The following PDZD2 variants were observed in gnomAD, a reference collection of about 807,000 sequenced individuals.
PDZD2 encodes PDZ domain containing 2.
PDZD2 carries 90 observed loss-of-function variants against 220.7 expected under a neutral mutation model. The observed-to-expected ratio is 0.41, with a 90% CI of 0.34 to 0.49. The LOEUF (loss-of-function observed/expected upper bound fraction) is 0.49, where lower values mean the gene tolerates loss of function less well. Ranked by LOEUF, PDZD2 falls within the 20% of genes least tolerant of loss-of-function variation. The probability of loss-of-function intolerance (pLI) is 0.28; values close to 1 mark genes in which losing one functional copy is unlikely to be tolerated. For synonymous variants in PDZD2, 1,375 were observed against 1,450.5 expected, an observed-to-expected ratio of 0.95 and a Z score of 1.18; for missense variants, 3,174 against 3,608.5, an observed-to-expected ratio of 0.88 and a Z score of 3.08.
chr5:31,749,749 C>G (rs1750826337), intron 1 of PDZD2, among the ~76,000 whole-genome samples: 1 of 152,150 alleles, frequency 6.6e-6, no homozygotes, highest in East Asian at 1.9e-4. Context: ...CTGTCTTCAC[C>G]TTCCTGGTGC....
chr5:31,868,817 G>C (rs1738471783), intron 2 of PDZD2, among the ~76,000 whole-genome samples: 1 of 152,146 alleles, frequency 6.6e-6, no homozygotes, highest in Non-Finnish European at 1.5e-5. Flanking sequence ...TTTCACCCAG[G>C]CTGGAGTGCA....
At chr5:31,664,624 G>A (rs1745911580) in intron 1 of PDZD2, among the ~76,000 whole-genome samples, 1 of 152,128 alleles carries the variant, frequency 6.6e-6, no homozygotes, top group African/African-American at 2.4e-5. Context: ...ACCATCCTAG[G>A]AACAACCGTT....
chr5:31,996,663 G>A (rs1403516640), intron 4 of PDZD2, among the ~76,000 whole-genome samples: 5 of 151,936 alleles, frequency 3.3e-5, no homozygotes, highest in African/African-American at 9.7e-5. Context: ...AGCCAAGATC[G>A]CATCACTGCA....
Position 31,674,566 on chromosome 5 carries a change from G to T in PDZD2, c.-361+35129G>T, listed in dbSNP as rs907881594. Among the ~76,000 whole-genome samples the T allele has an allele frequency of 2.0e-5, 3 of 152,188 alleles. No individual in the cohort carries two copies. In the East Asian group the frequency reaches 5.8e-4, roughly 29 times the overall value. On this transcript the variant is annotated intron_variant, in intron 1 of 24. Coordinates refer to ENST00000438447, the MANE Select transcript of PDZD2 (RefSeq NM_178140.4). Reference sequence around the variant, plus strand: ...ATTGGGCAATTAGAACAGTGAAGGCGCAAGATGAGAGCAGTCTGGTCTTGG... The same window carrying T: ...ATTGGGCAATTAGAACAGTGAAGGCTCAAGATGAGAGCAGTCTGGTCTTGG...
chr5:31,969,792 G>T lies in PDZD2; in HGVS notation c.477-13363G>T, dbSNP rs529336546. Reference sequence around the variant, plus strand: ...TGCCTCAGTAAAGTCATCTTTTAAAGAGTCTCTTTTTTTGTTTTTAATGGA... The same window carrying T: ...TGCCTCAGTAAAGTCATCTTTTAAATAGTCTCTTTTTTTGTTTTTAATGGA... On this transcript the variant is annotated intron_variant, in intron 2 of 24. Coordinates refer to ENST00000438447, the MANE Select transcript of PDZD2 (RefSeq NM_178140.4). 3.9e-5 allele frequency among the ~76,000 whole-genome samples: 6 copies of T among 152,194 alleles called. No homozygotes were observed. In the South Asian group the frequency reaches 1.2e-3, roughly 32 times the overall value.
intron 1 of PDZD2, among the ~76,000 whole-genome samples, chr5:31,759,837 G>A (rs1242249227): frequency 2.0e-5 from 3 of 152,134 alleles, no homozygotes; most frequent in African/African-American, 4.8e-5. Context: ...GAGCCACTGC[G>A]CCTGGCCTCA....
In PDZD2 at chr5:32,089,535, C is replaced by T. The variant is rs760303077; in HGVS notation, c.6087C>T (p.Pro2029=). 3.7e-6 allele frequency: 6 copies of T among 1,606,980 alleles called. No individual in the cohort carries two copies. The East Asian group carries it at 1.1e-4, about 30-fold the overall frequency. ...AGTGTAGAGCAGAGGGCAGGGCGCC[C>T]CGTGCTGACTCCGGGCCGGTGAGTC... ...SPKCRAEGRA[P]RADSGPVSPA... Residue 2029 remains proline (P), a synonymous_variant, in exon 20 of 25, where the codon CCC becomes CCT. Transcript: ENST00000438447.
intron 2 of PDZD2, among the ~76,000 whole-genome samples, chr5:31,879,691 T>A (rs1264010891): frequency 1.3e-5 from 2 of 152,136 alleles, no homozygotes; most frequent in African/African-American, 4.8e-5. Flanking sequence ...CAGAGATTTA[T>A]AAGGATTGGA....
intron 3 of PDZD2, among the ~76,000 whole-genome samples, chr5:31,992,033 G>A (rs1319186253): frequency 6.6e-6 from 1 of 151,970 alleles, no homozygotes; most frequent in South Asian, 2.1e-4. Flanking sequence ...ACCCTGTCTC[G>A]AAAGAAAAAA....
intron 6 of PDZD2, among the ~76,000 whole-genome samples, chr5:32,023,324 C>T (rs1418735859): frequency 6.6e-6 from 1 of 152,182 alleles, no homozygotes; most frequent in African/African-American, 2.4e-5. Flanking sequence ...TCTCCCCTCC[C>T]AGACAGCCTC....
At chr5:31,715,216 G>A (rs1580609493) in intron 1 of PDZD2, among the ~76,000 whole-genome samples, 1 of 152,180 alleles carries the variant, frequency 6.6e-6, no homozygotes, top group Non-Finnish European at 1.5e-5. Context: ...CTCTGGTAGA[G>A]AGGGCTTTGT....
At chr5:31,819,908 C>A (rs915889240) in intron 2 of PDZD2, among the ~76,000 whole-genome samples, 1 of 152,204 alleles carries the variant, frequency 6.6e-6, no homozygotes, top group Non-Finnish European at 1.5e-5. Flanking sequence ...AATCATACTA[C>A]GTGCAGAATT....
intron 2 of PDZD2, among the ~76,000 whole-genome samples, chr5:31,842,956 A>C (rs186945087): frequency 6.6e-6 from 1 of 151,892 alleles, no homozygotes; most frequent in Admixed American, 6.6e-5. Context: ...ATCTTGGCTC[A>C]CTGCCACCTC....
chr5:32,108,183 CAG>C lies in PDZD2; in HGVS notation c.*51_*52del. ...CAGTTCTCTTCTTTCTTTAGCAAAT[CAG>C]AGTGACTTCTTTAAACCACAGGTTG... On this transcript the variant is annotated 3_prime_UTR_variant, in exon 25 of 25. Transcript: ENST00000438447. 1 of 1,351,416 alleles carries C rather than the reference CAG, an allele frequency of 7.4e-7. No individual in the cohort carries two copies. Among genetic ancestry groups the C allele is most frequent in the African/African-American group, 1.5e-5 (1 of 68,900 alleles). 83.7% of individuals were successfully genotyped at this position (1,351,416 alleles called of 1,614,324 possible).
chr5:32,098,223 C>T lies in PDZD2; in HGVS notation c.7948-141C>T, dbSNP rs923653454. 4.9e-6 allele frequency: 4 copies of T among 811,704 alleles called. No homozygotes were observed. The Admixed American group carries it at 8.5e-5, about 17-fold the overall frequency. The allele number at this position is 811,704 out of a possible 1,614,324, so 50.3% of individuals were successfully genotyped here. A position where few individuals can be genotyped will look rare whatever the true frequency, so the allele number is the denominator to read the frequency against. ...CACCACTGTACTCCAGCCTGGGTGA[C>T]ACAGCGAGACTCCCTCTCAAAAAAT... On this transcript the variant is annotated intron_variant, in intron 22 of 24. Coordinates refer to ENST00000438447, the MANE Select transcript of PDZD2 (RefSeq NM_178140.4). The surrounding 1 kb of genome is among the most constrained non-coding windows in gnomAD (Gnocchi z 4.1).
chr5:31,850,722 C>T (rs756578277), intron 2 of PDZD2, among the ~76,000 whole-genome samples: 4 of 151,106 alleles, frequency 2.6e-5, no homozygotes, highest in Non-Finnish European at 4.4e-5. Context: ...CTGCAACCTC[C>T]GCCTCCTGGG....
intron 1 of PDZD2, among the ~76,000 whole-genome samples, chr5:31,644,954 G>A (rs1037808160): frequency 2.6e-5 from 4 of 152,182 alleles, no homozygotes; most frequent in Admixed American, 1.3e-4. Context: ...TGGGGGAACC[G>A]ACTTCACAGC....
At chr5:31,794,393 C>CTTTTT (rs34331530) in intron 1 of PDZD2, among the ~76,000 whole-genome samples, 52 of 105,238 alleles carry the variant, frequency 4.9e-4, no homozygotes, top group South Asian at 1.2e-3. Flanking sequence ...TTCTTTCTTT[C>CTTTTT]TTTTTTTTTT....
intron 1 of PDZD2, chr5:31,748,091 A>T (rs1750710290): frequency 6.6e-6 from 1 of 152,242 alleles, no homozygotes; most frequent in African/African-American, 2.4e-5. Context: ...GCAAAGGTAC[A>T]TTCTGGAAAT....
Sources: allele counts gnomAD v4.1 joint callset (sites outside exome capture counted in the v4.1 genomes callset), GRCh38; gene constraint gnomAD v4.1.1; non-coding constraint Gnocchi (gnomAD v3.1); transcripts MANE v1.5; gene names NCBI Gene and HGNC (gene_info 2026-07-23, HGNC 2026-07-21).